KYNU: variants seen among roughly 807,000 people sequenced by gnomAD.
KYNU encodes the protein L-kynurenine hydrolase.
KYNU carries 54 observed loss-of-function variants against 59.2 expected under a neutral mutation model. That is an observed-to-expected ratio of 0.91 (90% CI 0.73 to 1.14). KYNU has a LOEUF of 1.14. Ranked by LOEUF, KYNU falls within the 50% of genes most tolerant of loss-of-function variation. The probability of loss-of-function intolerance (pLI) is 0.00; values close to 1 mark genes in which losing one functional copy is unlikely to be tolerated. For synonymous variants in KYNU, 177 were observed against 192.0 expected (o/e 0.92, Z 0.65); for missense variants, 567 against 554.4 (o/e 1.02, Z -0.23).
chr2:142,924,629 GAGTAAATACTCCT>G (rs2105007112), intron 3 of KYNU, among the ~76,000 whole-genome samples: 1 of 152,250 alleles, frequency 6.6e-6, no homozygotes, highest in Non-Finnish European at 1.5e-5. Context: ...CTAATTTTGT[GAGTAAATACTCCT>G]AGTAGATGTC....
intron 10 of KYNU, among the ~76,000 whole-genome samples, chr2:143,018,542 T>G (rs1041589704): frequency 6.6e-6 from 1 of 152,040 alleles, no homozygotes; most frequent in African/African-American, 2.4e-5. Flanking sequence ...TACTGTAGCC[T>G]TAGAGTATAG....
Position 143,053,842 on chromosome 2 carries a change from G to A in KYNU, c.*11670G>A, listed in dbSNP as rs776770931. ...CTAATTTATAGCTAGTAGGTAAAAA[G>A]CCAGGGACTTGCCATTAGCGTTGGA... On this transcript the variant is annotated 3_prime_UTR_variant, in exon 14 of 14. Coordinates refer to ENST00000264170, the MANE Select transcript of KYNU (RefSeq NM_003937.3). 2.6e-5 allele frequency: 4 copies of A among 152,224 alleles called. No homozygotes were observed. The highest frequency in any genetic ancestry group is 2.9e-5 in the Non-Finnish European group (2 of 68,046). 9.4% of individuals were successfully genotyped at this position (152,224 alleles called of 1,614,324 possible). A position where few individuals can be genotyped will look rare whatever the true frequency, so the allele number is the denominator to read the frequency against.
intron 10 of KYNU, among the ~76,000 whole-genome samples, chr2:142,990,453 G>C (rs945204950): frequency 6.6e-6 from 1 of 151,692 alleles, no homozygotes; most frequent in African/African-American, 2.4e-5. Flanking sequence ...CCTTTAAAAG[G>C]ATTCTTCTGT....
At chr2:142,929,006 T>TAAA (rs1683126514) in intron 4 of KYNU, among the ~76,000 whole-genome samples, 1 of 33,000 alleles carries the variant, frequency 3.0e-5, no homozygotes, top group African/African-American at 1.4e-4. Flanking sequence ...ACACCCTGTC[T>TAAA]CAAAAAAAAA....
intron 8 of KYNU, 71 bp from the exon 9 acceptor site, chr2:142,985,013 T>C: frequency 2.1e-6 from 2 of 935,408 alleles, no homozygotes; most frequent in South Asian, 2.6e-5. Flanking sequence ...AAATGTTTTC[T>C]TAAAAATATT....
intron 10 of KYNU, among the ~76,000 whole-genome samples, chr2:143,004,339 T>A (rs1393826759): frequency 6.6e-6 from 1 of 152,160 alleles, no homozygotes; most frequent in Non-Finnish European, 1.5e-5. Context: ...GAGATTCAAG[T>A]CTCAGGTCCA....
At chr2:143,031,752 A>C (rs747971335) in intron 11 of KYNU, among the ~76,000 whole-genome samples, 3 of 152,174 alleles carry the variant, frequency 2.0e-5, no homozygotes, top group Non-Finnish European at 2.9e-5. Context: ...TAGTGGGTCA[A>C]ATTTGGCCCA....
At chr2:142,967,381 T>C (rs1009950639) in intron 8 of KYNU, 1 of 152,172 alleles carries the variant, frequency 6.6e-6, no homozygotes, top group Non-Finnish European at 1.5e-5. Flanking sequence ...CAACATTGTT[T>C]TATTAGCTTC....
chr2:142,955,599 A>G (rs192057339), intron 5 of KYNU, among the ~76,000 whole-genome samples: 1 of 152,168 alleles, frequency 6.6e-6, no homozygotes, highest in Admixed American at 6.5e-5. Context: ...AAAATGAGAA[A>G]CATAATATCT....
chr2:142,961,923 G>A (rs1360395257), intron 8 of KYNU, among the ~76,000 whole-genome samples: 1 of 152,140 alleles, frequency 6.6e-6, no homozygotes, highest in Admixed American at 6.5e-5. Context: ...AATATATTCA[G>A]TTATTGAAGC....
intron 8 of KYNU, among the ~76,000 whole-genome samples, chr2:142,972,868 A>G (rs988734569): frequency 1.3e-5 from 2 of 149,766 alleles, no homozygotes; most frequent in Non-Finnish European, 1.5e-5. Flanking sequence ...GTCTCTCTCT[A>G]CATATATATG....
At position 143,044,426 on chromosome 2, in the gene KYNU, T is replaced by G. The variant is rs1687131800; in HGVS notation, c.*2254T>G. The stretch of plus-strand genomic sequence containing the variant: ...ATTGCCACACTGTCTTCCACAATGG[T>G]TGAACTAATTTATACTCCCACCAAC... On this transcript the variant is annotated 3_prime_UTR_variant, in exon 14 of 14. Transcript: ENST00000264170. The G allele has an allele frequency of 6.6e-6, 1 of 152,198 alleles. No homozygotes were observed. Among genetic ancestry groups the G allele is most frequent in the Non-Finnish European group, 1.5e-5 (1 of 68,030 alleles). The allele number at this position is 152,198 out of a possible 1,614,324, so 9.4% of individuals were successfully genotyped here. A position where few individuals can be genotyped will look rare whatever the true frequency, so the allele number is the denominator to read the frequency against.
chr2:142,994,809 C>T (rs1018810884), intron 10 of KYNU, among the ~76,000 whole-genome samples: 1 of 152,030 alleles, frequency 6.6e-6, no homozygotes, highest in African/African-American at 2.4e-5. Context: ...TCTGTCTTTA[C>T]TCTCAGCATA....
intron 2 of KYNU, among the ~76,000 whole-genome samples, chr2:142,905,062 TG>T (rs753119924): frequency 2.0e-5 from 3 of 152,124 alleles, no homozygotes; most frequent in Non-Finnish European, 2.9e-5. Context: ...TCAGAGAGGG[TG>T]AAGGTAACCT....
At position 143,054,813 on chromosome 2, in the gene KYNU, A is replaced by T. The variant is rs1406815496; in HGVS notation, c.*12641A>T. 6.6e-6 allele frequency: 1 copy of T among 151,918 alleles called. No individual in the cohort carries two copies. Among genetic ancestry groups the T allele is most frequent in the Non-Finnish European group, 1.5e-5 (1 of 68,026 alleles). The allele number at this position is 151,918 out of a possible 1,614,324, so 9.4% of individuals were successfully genotyped here. On this transcript the variant is annotated 3_prime_UTR_variant, in exon 14 of 14. Coordinates refer to ENST00000264170, the MANE Select transcript of KYNU (RefSeq NM_003937.3). ...TGAATACAATAGGAGGCAGGTAGGGAGAAGGCACTACCCTGAATTATGAGA... is the reference window on the plus strand; with the variant it reads ...TGAATACAATAGGAGGCAGGTAGGGTGAAGGCACTACCCTGAATTATGAGA...
At chr2:142,940,120 G>C (rs1331552628) in intron 4 of KYNU, among the ~76,000 whole-genome samples, 1 of 151,718 alleles carries the variant, frequency 6.6e-6, no homozygotes, top group African/African-American at 2.4e-5. Context: ...AAATATTTGT[G>C]TAATAAATCC....
At chr2:142,991,809 A>T (rs148781962) in intron 10 of KYNU, among the ~76,000 whole-genome samples, 98 of 152,024 alleles carry the variant, frequency 6.4e-4, no homozygotes, top group Middle Eastern at 3.4e-3. Flanking sequence ...GAAGAAACGA[A>T]CTTTTATTTC....
chr2:142,931,905 T>C (rs1467527715), intron 4 of KYNU, among the ~76,000 whole-genome samples: 1 of 152,172 alleles, frequency 6.6e-6, no homozygotes, highest in African/African-American at 2.4e-5. Flanking sequence ...GGGAATTATA[T>C]GCATGATGAG....
chr2:143,016,095 C>T (rs1686238848), intron 10 of KYNU, among the ~76,000 whole-genome samples: 1 of 152,176 alleles, frequency 6.6e-6, no homozygotes. Flanking sequence ...AACGTTCATT[C>T]TGTTGAAATA....
Sources: allele counts gnomAD v4.1 joint callset (sites outside exome capture counted in the v4.1 genomes callset), GRCh38; gene constraint gnomAD v4.1.1; transcripts MANE v1.5; gene names NCBI Gene and HGNC (gene_info 2026-07-23, HGNC 2026-07-21).